Variants in AOPEP observed in about 807,000 individuals in gnomAD.
AOPEP encodes the protein aminopeptidase O.
AOPEP carries 77 observed loss-of-function variants against 98.1 expected under a neutral mutation model. The observed-to-expected ratio is 0.78, with a 90% CI of 0.65 to 0.95. The LOEUF is 0.95. AOPEP is among the 40% of genes least tolerant of loss of function. AOPEP has a pLI of 0.00. For synonymous variants in AOPEP, 346 were observed against 365.3 expected, an observed-to-expected ratio of 0.95 and a Z score of 0.60; for missense variants, 1,024 against 1,024.7, an observed-to-expected ratio of 1.00 and a Z score of 0.01.
intron 5 of AOPEP, among the ~76,000 whole-genome samples, chr9:94,846,091 A>C (rs2042830780): frequency 9.3e-6 from 1 of 106,976 alleles, no homozygotes; most frequent in Non-Finnish European, 2.2e-5. Context: ...GCGAGACTCC[A>C]TCTTAAAAAA....
intron 5 of AOPEP, among the ~76,000 whole-genome samples, chr9:94,915,691 C>G (rs937015350): frequency 3.9e-5 from 6 of 152,220 alleles, no homozygotes; most frequent in Non-Finnish European, 8.8e-5. Flanking sequence ...GTTGTACAGA[C>G]CAGCCTTGCT....
chr9:94,795,827 A>G (rs1460183386), intron 4 of AOPEP, among the ~76,000 whole-genome samples: 1 of 152,220 alleles, frequency 6.6e-6, no homozygotes, highest in African/African-American at 2.4e-5. Context: ...TAGGGGAAGA[A>G]GCAAGTACAA....
intron 16 of AOPEP, chr9:95,085,544 A>C (rs1194271108): frequency 2.0e-6 from 1 of 504,900 alleles, no homozygotes. Flanking sequence ...AGAAGGTGAG[A>C]TGGGGACAGT....
At chr9:94,928,660 C>A (rs2137000393) in intron 7 of AOPEP, 129 bp downstream of exon 7, 1 of 639,606 alleles carries the variant, frequency 1.6e-6, no homozygotes, top group South Asian at 1.9e-5. Flanking sequence ...TCTTGTCCCC[C>A]AGATGTGATG....
At chr9:94,816,111 A>G (rs1225792448) in intron 5 of AOPEP, among the ~76,000 whole-genome samples, 2 of 152,154 alleles carry the variant, frequency 1.3e-5, no homozygotes, top group South Asian at 2.1e-4. Flanking sequence ...ATTTTATCAT[A>G]GTTCACAGCC....
At chr9:95,103,584 C>T in the AOPEP span, among the ~76,000 whole-genome samples, 1 of 152,198 alleles carries the variant, frequency 6.6e-6, no homozygotes, top group East Asian at 1.9e-4. Flanking sequence ...AGCAAGTGGA[C>T]GGCTGGGGCA....
chr9:94,923,139 C>T (rs1041337940), intron 5 of AOPEP, among the ~76,000 whole-genome samples: 8 of 152,196 alleles, frequency 5.3e-5, no homozygotes, highest in Admixed American at 3.3e-4. Context: ...AGGATAATTG[C>T]TGAAGGAGGA....
At chr9:94,922,767 A>C (rs2053807590) in intron 5 of AOPEP, among the ~76,000 whole-genome samples, 1 of 152,190 alleles carries the variant, frequency 6.6e-6, no homozygotes, top group Non-Finnish European at 1.5e-5. Context: ...AGCACCTGGC[A>C]GATGCTTTTT....
chr9:94,901,592 C>T (rs1168455317), intron 5 of AOPEP, among the ~76,000 whole-genome samples: 1 of 152,108 alleles, frequency 6.6e-6, no homozygotes, highest in Admixed American at 6.6e-5. Flanking sequence ...AACAAAACAC[C>T]TCGCATCTTC....
intron 5 of AOPEP, among the ~76,000 whole-genome samples, chr9:94,896,598 T>C (rs1474361201): frequency 1.3e-5 from 2 of 152,212 alleles, no homozygotes; most frequent in Non-Finnish European, 2.9e-5. Context: ...GCACTTTATA[T>C]CTCTATTCTT....
chr9:95,067,119 A>C (rs1486954764), intron 14 of AOPEP, among the ~76,000 whole-genome samples: 1 of 151,288 alleles, frequency 6.6e-6, no homozygotes, highest in Non-Finnish European at 1.5e-5. Flanking sequence ...GCTTTCATGT[A>C]CACCATCTTT....
chr9:94,816,284 A>G (rs982692641), intron 5 of AOPEP, among the ~76,000 whole-genome samples: 1 of 152,200 alleles, frequency 6.6e-6, no homozygotes, highest in Non-Finnish European at 1.5e-5. Flanking sequence ...AGTTGTCAGC[A>G]TAAGCCTTGG....
At chr9:94,823,576 G>T (rs1853755989) in intron 5 of AOPEP, among the ~76,000 whole-genome samples, 1 of 152,130 alleles carries the variant, frequency 6.6e-6, no homozygotes, top group Non-Finnish European at 1.5e-5. Context: ...CCTCCTGGGG[G>T]CTTTTAGGTG....
rs367897356 is a variant in AOPEP at position 95,044,088 on chromosome 9, A to G, written c.2116-16606A>G. On this transcript the variant is annotated intron_variant, in intron 13 of 16. Coordinates refer to ENST00000375315, the MANE Select transcript of AOPEP (RefSeq NM_001193329.3). The stretch of plus-strand genomic sequence containing the variant: ...CGAAGTTCTCTGGGAGAAAAGCACC[A>G]TCTGCATTTGCATAAAGCAGAGCTG... Among the ~76,000 whole-genome samples, 270 of 152,334 alleles carry G rather than the reference A, an allele frequency of 1.8e-3. 1 individual carries two copies. Among genetic ancestry groups the G allele is most frequent in the South Asian group, 3.5e-3 (17 of 4,826 alleles).
At chr9:94,757,906 CGAAGGTTATT>C (rs1564076971) in intron 1 of AOPEP, among the ~76,000 whole-genome samples, 1 of 152,144 alleles carries the variant, frequency 6.6e-6, no homozygotes, top group Non-Finnish European at 1.5e-5. Flanking sequence ...ATGGATTTAT[CGAAGGTTATT>C]ATTCAAAATG....
intron 1 of AOPEP, among the ~76,000 whole-genome samples, chr9:94,746,711 A>T (rs1834560679): frequency 6.6e-6 from 1 of 152,244 alleles, no homozygotes; most frequent in South Asian, 2.1e-4. Context: ...GAGGAATGGC[A>T]TCTGGGTGCG....
chr9:95,132,001 C>T, the AOPEP span, among the ~76,000 whole-genome samples: 1 of 152,102 alleles, frequency 6.6e-6, no homozygotes, highest in East Asian at 1.9e-4. Context: ...TTGAATTAAG[C>T]CATAAAGATT....
chr9:94,911,981 GA>G (rs2052109446), intron 5 of AOPEP, among the ~76,000 whole-genome samples: 1 of 152,168 alleles, frequency 6.6e-6, no homozygotes, highest in African/African-American at 2.4e-5. Flanking sequence ...CACTCCAGAA[GA>G]CCCCTGTGCC....
chr9:94,974,972 T>A (rs1589135826), intron 10 of AOPEP, among the ~76,000 whole-genome samples: 2 of 152,152 alleles, frequency 1.3e-5, no homozygotes, highest in African/African-American at 4.8e-5. Flanking sequence ...GTGTGGTGGT[T>A]CATGCCTGTA....
Sources: gnomAD v4.1 joint callset for allele counts (sites outside exome capture counted in the v4.1 genomes callset) on GRCh38, gnomAD v4.1.1 for gene constraint, MANE v1.5 for transcripts, NCBI Gene and HGNC (gene_info 2026-07-23, HGNC 2026-07-21) for gene names.